The following ACER3 variants were observed in gnomAD, a reference collection of about 807,000 sequenced individuals.
ACER3 encodes alkCDase 3.
In ACER3, 16 loss-of-function variants were observed where a neutral mutation model predicts 48.9. The ratio of observed to expected loss-of-function variants is 0.33; its 90% CI spans 0.22 to 0.50. The LOEUF is 0.50. ACER3 is among the 20% of genes least tolerant of loss of function. ACER3 has a pLI of 0.98. For synonymous variants in ACER3, 109 were observed against 107.8 expected (o/e 1.01, Z -0.07); for missense variants, 227 against 326.0 (o/e 0.70, Z 2.34).
At chr11:76,907,590 G>T (rs905090298) in intron 1 of ACER3, among the ~76,000 whole-genome samples, 32 of 152,202 alleles carry the variant, frequency 2.1e-4, no homozygotes, top group African/African-American at 7.7e-4. Flanking sequence ...AGCCAATAAA[G>T]CCGGGCACAG....
intron 2 of ACER3, among the ~76,000 whole-genome samples, chr11:76,934,759 C>T (rs11237023): frequency 0.39 from 45,029 of 116,920 alleles, 11,380 homozygotes; most frequent in East Asian, 0.51. Context: ...CGTGGGGAGA[C>T]GGAGAGGGAG....
chr11:76,869,451 A>G (rs749424113), intron 1 of ACER3, among the ~76,000 whole-genome samples: 18 of 152,254 alleles, frequency 1.2e-4, no homozygotes, highest in African/African-American at 2.7e-4. Context: ...AAGAGCTGCC[A>G]TACCAGCTAT....
At chr11:76,932,133 A>T (rs1457663891) in intron 2 of ACER3, among the ~76,000 whole-genome samples, 1 of 151,888 alleles carries the variant, frequency 6.6e-6, no homozygotes, top group East Asian at 1.9e-4. Flanking sequence ...ATTTTTTTGT[A>T]GAGACAGGAT....
At chr11:76,864,496 AC>A (rs771998488) in intron 1 of ACER3, among the ~76,000 whole-genome samples, 1 of 152,226 alleles carries the variant, frequency 6.6e-6, no homozygotes, top group Non-Finnish European at 1.5e-5. Context: ...AACATTAAAA[AC>A]ATTGAGAAAT....
intron 4 of ACER3, among the ~76,000 whole-genome samples, chr11:76,977,181 G>A (rs1432370720): frequency 6.6e-6 from 1 of 152,188 alleles, no homozygotes; most frequent in African/African-American, 2.4e-5. Flanking sequence ...TGATTTAAAA[G>A]CATACTGGCC....
At chr11:77,005,148 C>T (rs1949108708) in intron 7 of ACER3, among the ~76,000 whole-genome samples, 1 of 151,954 alleles carries the variant, frequency 6.6e-6, no homozygotes, top group South Asian at 2.1e-4. Context: ...CGCCATTCTC[C>T]TGCCTCAGCC....
chr11:76,869,364 GT>G (rs1945183272), intron 1 of ACER3, among the ~76,000 whole-genome samples: 1 of 152,204 alleles, frequency 6.6e-6, no homozygotes, highest in Non-Finnish European at 1.5e-5. Context: ...CCAGTTAATT[GT>G]TTTAGGTGCT....
intron 1 of ACER3, chr11:76,868,029 A>G (rs1945140580): frequency 9.3e-7 from 1 of 1,078,110 alleles, no homozygotes; most frequent in African/African-American, 1.7e-5. Flanking sequence ...AAGGGGCTTT[A>G]ATCAGCTATC....
Position 76,926,759 on chromosome 11 carries a change from A to T in ACER3, c.214+92A>T, listed in dbSNP as rs570457850. 31 of 819,392 alleles carry T rather than the reference A, an allele frequency of 3.8e-5. No homozygotes were observed. The East Asian group carries it at 8.7e-4, about 23-fold the overall frequency. The allele number at this position is 819,392 out of a possible 1,614,324, so 50.8% of individuals were successfully genotyped here. A position where few individuals can be genotyped will look rare whatever the true frequency, so the allele number is the denominator to read the frequency against. On this transcript the variant is annotated intron_variant, in intron 2 of 10. Coordinates refer to ENST00000532485, the MANE Select transcript of ACER3 (RefSeq NM_018367.7). ...TAAAAGCGGTTTTCAATTTTGTGTT[A>T]TTACATAACTTGAATATATTCTGAA...
intron 2 of ACER3, among the ~76,000 whole-genome samples, chr11:76,945,421 T>C (rs1417990519): frequency 1.3e-5 from 2 of 152,180 alleles, no homozygotes; most frequent in African/African-American, 2.4e-5. Flanking sequence ...ATGCTTTGGC[T>C]TTGATTTTGG....
chr11:76,980,155 A>G (rs2135171863), intron 4 of ACER3, among the ~76,000 whole-genome samples: 1 of 152,194 alleles, frequency 6.6e-6, no homozygotes, highest in African/African-American at 2.4e-5. Context: ...ACAAAAACCA[A>G]TACCAAACTA....
At chr11:76,928,232 T>A (rs963240574) in intron 2 of ACER3, among the ~76,000 whole-genome samples, 8 of 152,370 alleles carry the variant, frequency 5.3e-5, no homozygotes, top group African/African-American at 1.9e-4. Flanking sequence ...CATTTTTTCA[T>A]GTGTTTTTGG....
At chr11:76,948,551 T>C (rs1947544378) in intron 2 of ACER3, among the ~76,000 whole-genome samples, 1 of 152,140 alleles carries the variant, frequency 6.6e-6, no homozygotes. Flanking sequence ...GCCCTGGAAG[T>C]CATAGTTGGC....
intron 1 of ACER3, among the ~76,000 whole-genome samples, chr11:76,867,152 T>C (rs962287711): frequency 6.6e-6 from 1 of 152,166 alleles, no homozygotes; most frequent in Non-Finnish European, 1.5e-5. Context: ...ATAAAACCAT[T>C]TGAAGACAGC....
In ACER3 at chr11:76,910,401, C is replaced by T. The variant is rs144207757; in HGVS notation, c.104-16156C>T. ...ATTTTTTCTAACAAATTATTATAGA[C>T]TGTATGTTTTTCTAAGATATTTCAC... is the stretch of plus-strand genomic sequence containing the variant. On this transcript the variant is annotated intron_variant, in intron 1 of 10. Coordinates refer to ENST00000532485, the MANE Select transcript of ACER3 (RefSeq NM_018367.7). Among the ~76,000 whole-genome samples, 11 of 152,062 alleles carry T rather than the reference C, an allele frequency of 7.2e-5. No homozygotes were observed. In the East Asian group the frequency reaches 2.1e-3, roughly 29 times the overall value.
At chr11:77,015,933 C>G (rs955766621) in intron 8 of ACER3, among the ~76,000 whole-genome samples, 16 of 151,956 alleles carry the variant, frequency 1.1e-4, no homozygotes, top group African/African-American at 3.9e-4. Context: ...ATGGTGAAAC[C>G]CTGTCTTTAC....
chr11:76,947,035 CTTT>C (rs1022651856), intron 2 of ACER3, among the ~76,000 whole-genome samples: 3 of 152,198 alleles, frequency 2.0e-5, no homozygotes, highest in African/African-American at 7.2e-5. Context: ...TGAACCCTCT[CTTT>C]ATTCACTTTT....
intron 1 of ACER3, among the ~76,000 whole-genome samples, chr11:76,910,257 G>T (rs1231205965): frequency 6.6e-6 from 1 of 151,996 alleles, no homozygotes; most frequent in Admixed American, 6.6e-5. Context: ...ATGTGTCCCA[G>T]TACATAAAGT....
intron 1 of ACER3, among the ~76,000 whole-genome samples, chr11:76,872,291 G>A (rs1275669432): frequency 6.6e-6 from 1 of 152,104 alleles, no homozygotes; most frequent in African/African-American, 2.4e-5. Context: ...GGCCAGGCTT[G>A]TCTCGAACTC....
Sources: allele counts gnomAD v4.1 joint callset (sites outside exome capture counted in the v4.1 genomes callset), GRCh38; gene constraint gnomAD v4.1.1; transcripts MANE v1.5; gene names NCBI Gene and HGNC (gene_info 2026-07-23, HGNC 2026-07-21).